The following PHLDB1 variants were observed in gnomAD, a reference collection of about 807,000 sequenced individuals.
PHLDB1 encodes the protein pleckstrin homology-like domain family B member 1.
In PHLDB1, 65 loss-of-function variants were observed where a neutral mutation model predicts 139.3. The ratio of observed to expected loss-of-function variants is 0.47; its 90% CI spans 0.38 to 0.57. The LOEUF (loss-of-function observed/expected upper bound fraction) is 0.57. Ranked by LOEUF, PHLDB1 falls within the 20% of genes least tolerant of loss-of-function variation. The probability of loss-of-function intolerance (pLI) is 0.00; values close to 1 mark genes in which losing one functional copy is unlikely to be tolerated. For missense variants in PHLDB1, 1,624 were observed against 1,839.7 expected (o/e 0.88, Z 2.14); for synonymous variants, 679 against 734.5 (o/e 0.92, Z 1.22).
In PHLDB1 at chr11:118,648,362, G is replaced by A. The variant is rs868985640; in HGVS notation, c.3654+286G>A. ...GTAGTGGGTTGTAAGGATGTGGCAG[G>A]CCACCTTGCAGACATCCGGGGTCAG... On this transcript the variant is annotated intron_variant, in intron 18 of 22. Transcript: ENST00000600882. 8.0e-5 allele frequency among the ~76,000 whole-genome samples: 12 copies of A among 150,344 alleles called. No homozygotes were observed. The Middle Eastern group carries it at 0.017, about 215-fold the overall frequency.
chr11:118,636,884 G>A (rs1296861267), intron 10 of PHLDB1: 1 of 152,128 alleles, frequency 6.6e-6, no homozygotes, highest in Non-Finnish European at 1.5e-5. Context: ...GGGAGGGCTT[G>A]GCAGTAGTGG....
intron 5 of PHLDB1, chr11:118,626,944 C>A: frequency 3.9e-6 from 1 of 256,380 alleles, no homozygotes; most frequent in Non-Finnish European, 7.4e-6. Flanking sequence ...CGTGAGCCAC[C>A]GTGCCTGGCC....
Position 118,620,441 on chromosome 11 carries a change from G to A in PHLDB1, c.355+4230G>A, listed in dbSNP as rs1466611272. 3.3e-5 allele frequency among the ~76,000 whole-genome samples: 5 copies of A among 152,304 alleles called. No homozygotes were observed. Among genetic ancestry groups the A allele is most frequent in the East Asian group, 3.9e-4 (2 of 5,188 alleles). Reference sequence around the variant, plus strand: ...CCGGAGGCGGAGGTTGCAGTGAGCCGAGATCGCACCATTGCACTCCAGCCT... The same window carrying A: ...CCGGAGGCGGAGGTTGCAGTGAGCCAAGATCGCACCATTGCACTCCAGCCT... On this transcript the variant is annotated intron_variant, in intron 4 of 22. Transcript: ENST00000600882. This position sits in a 1 kb window ranked among gnomAD's most constrained non-coding sequence, Gnocchi z 4.1.
At chr11:118,648,136 G>T in intron 18 of PHLDB1, 60 bp downstream of exon 18, 1 of 1,525,680 alleles carries the variant, frequency 6.6e-7, no homozygotes, top group Non-Finnish European at 9.0e-7. Flanking sequence ...TAGAGAAGTG[G>T]GGAGATCCCA....
chr11:118,641,175 A>G (rs1166550953), intron 12 of PHLDB1: 1 of 153,104 alleles, frequency 6.5e-6, no homozygotes, highest in Admixed American at 6.5e-5. Context: ...TTGGACCCCT[A>G]TGCTTCTGCC....
In PHLDB1 at chr11:118,645,270, C is replaced by T. The variant is rs1555126009; in HGVS notation, c.3122-86C>T. ...TCTGTGTTAACCTCTCCCTGCTTGC[C>T]CCTCCCTCTGTGTGTTGTGCTGCCA... On this transcript the variant is annotated intron_variant, in intron 15 of 22. Coordinates refer to ENST00000600882, the MANE Select transcript of PHLDB1 (RefSeq NM_001144758.3). The surrounding 1 kb of genome is among the most constrained non-coding windows in gnomAD (Gnocchi z 5.1). 3 of 1,050,206 alleles carry T rather than the reference C, an allele frequency of 2.9e-6. No individual in the cohort carries two copies. The highest frequency in any genetic ancestry group is 4.1e-6 in the Non-Finnish European group (3 of 737,522). The allele number at this position is 1,050,206 out of a possible 1,614,324, so 65.1% of individuals were successfully genotyped here.
chr11:118,631,598 T>G, intron 7 of PHLDB1, 119 bp downstream of exon 7: 1 of 899,944 alleles, frequency 1.1e-6, no homozygotes, highest in South Asian at 2.4e-5. Flanking sequence ...GGGAAGAGAT[T>G]AGAGAGCAGA....
At chr11:118,625,844 T>C (rs1555100672) in intron 5 of PHLDB1, among the ~76,000 whole-genome samples, 1 of 152,190 alleles carries the variant, frequency 6.6e-6, no homozygotes, top group African/African-American at 2.4e-5. Flanking sequence ...ACAGTCTCCA[T>C]AATTTTGGAC....
In PHLDB1 at chr11:118,645,679, C is replaced by A; in HGVS notation, c.3416+29C>A. The A allele has an allele frequency of 6.2e-7, 1 of 1,613,282 alleles. No individual in the cohort carries two copies. Among genetic ancestry groups the A allele is most frequent in the Non-Finnish European group, 8.5e-7 (1 of 1,179,236 alleles). On this transcript the variant is annotated intron_variant, in intron 16 of 22. Coordinates refer to ENST00000600882, the MANE Select transcript of PHLDB1 (RefSeq NM_001144758.3). This position sits in a 1 kb window ranked among gnomAD's most constrained non-coding sequence, Gnocchi z 5.1. Reference sequence around the variant, plus strand: ...CACCCGACGCCTGGGCCCGCAGCCTCCCTCAGCCACCGCCTCAGCTCCTTG... The same window carrying A: ...CACCCGACGCCTGGGCCCGCAGCCTACCTCAGCCACCGCCTCAGCTCCTTG...
chr11:118,631,837 A>C (rs1303534984), intron 7 of PHLDB1, 76 bp from the exon 8 acceptor site: 14 of 1,484,470 alleles, frequency 9.4e-6, no homozygotes, highest in Admixed American at 2.1e-5. Flanking sequence ...TGCCTGGAGG[A>C]ACAGGTGATC....
At position 118,632,101 on chromosome 11, in the gene PHLDB1, G is replaced by T. The variant is rs1555111624; in HGVS notation, c.2241+48G>T. ...GGACTCTTCCCTAGGCCAACTGAAG[G>T]CCCCAGAGAGGGGCCACAGTCAGCT... On this transcript the variant is annotated intron_variant, in intron 8 of 22. Transcript: ENST00000600882. The surrounding 1 kb of genome is among the most constrained non-coding windows in gnomAD (Gnocchi z 5.9). The T allele has an allele frequency of 6.2e-7, 1 of 1,613,594 alleles. No homozygotes were observed. The highest frequency in any genetic ancestry group is 1.1e-5 in the South Asian group (1 of 91,076).
Position 118,627,524 on chromosome 11 carries a change from C to A in PHLDB1, c.701C>A (p.Ser234Tyr), listed in dbSNP as rs782239201. ...GCTAATGGTGGGCGCTACCTGCTGTCTCCCCCAACCAGCCCCGGCGCCATG... is the reference window on the plus strand; with the variant it reads ...GCTAATGGTGGGCGCTACCTGCTGTATCCCCCAACCAGCCCCGGCGCCATG... ...PMANGGRYLL[S>Y]PPTSPGAMSV... The change falls in exon 6 of 23, where the codon TCT (serine) becomes TAT (tyrosine). Residue 234 changes from serine (S) to tyrosine (Y), a missense_variant. Transcript: ENST00000600882. 6.8e-6 allele frequency: 11 copies of A among 1,614,118 alleles called. No homozygotes were observed. The highest frequency in any genetic ancestry group is 8.5e-7 in the Non-Finnish European group (1 of 1,180,042).
rs781835272 is a variant in PHLDB1 at position 118,645,477 on chromosome 11, G to A, written c.3243G>A (p.Ser1081=). 12 of 1,611,212 alleles carry A rather than the reference G, an allele frequency of 7.4e-6. No individual in the cohort carries two copies. Among genetic ancestry groups the A allele is most frequent in the African/African-American group, 4.0e-5 (3 of 74,892 alleles). Reference sequence around the variant, plus strand: ...CAGCACCCTTCCCAGCGGGCCCCTCGGGCTTCCCCCCTCTCATGCACCACT... The same window carrying A: ...CAGCACCCTTCCCAGCGGGCCCCTCAGGCTTCCCCCCTCTCATGCACCACT... ...HGAAPFPAGP[S]GFPPLMHHSI... The change falls in exon 16 of 23, where the codon TCG becomes TCA. Residue 1081 remains serine, a synonymous_variant. Coordinates refer to ENST00000600882, the MANE Select transcript of PHLDB1 (RefSeq NM_001144758.3). The surrounding 1 kb of genome is among the most constrained non-coding windows in gnomAD (Gnocchi z 5.1).
Position 118,616,153 on chromosome 11 carries a change from T to C in PHLDB1, c.297T>C (p.Cys99=). 1 of 1,614,150 alleles carries C rather than the reference T, an allele frequency of 6.2e-7. No homozygotes were observed. The highest frequency in any genetic ancestry group is 8.5e-7 in the Non-Finnish European group (1 of 1,180,016). The change falls in exon 4 of 23, where the codon TGT becomes TGC. Residue 99 remains cysteine, a synonymous_variant. Transcript: ENST00000600882. The part of the protein sequence containing the change: ...NLRGTLTLYP[C]GNACTIDGLP... Reference sequence around the variant, plus strand: ...GGGGCACCCTCACCCTCTACCCCTGTGGCAATGCCTGCACTATTGATGGGC... The same window carrying C: ...GGGGCACCCTCACCCTCTACCCCTGCGGCAATGCCTGCACTATTGATGGGC...
In PHLDB1 at chr11:118,608,572, G is replaced by C. The variant is rs966417272; in HGVS notation, c.-22+873G>C. ...GGACCCACGGCTCTGGGGCGGGGCT[G>C]CATTCTGGGCCGTTAGCTCAGCGGT... On this transcript the variant is annotated intron_variant, in intron 1 of 22. Coordinates refer to ENST00000600882, the MANE Select transcript of PHLDB1 (RefSeq NM_001144758.3). The surrounding 1 kb of genome is among the most constrained non-coding windows in gnomAD (Gnocchi z 6.7). Among the ~76,000 whole-genome samples, 5 of 152,156 alleles carry C rather than the reference G, an allele frequency of 3.3e-5. No individual in the cohort carries two copies. Among genetic ancestry groups the C allele is most frequent in the Non-Finnish European group, 7.4e-5 (5 of 67,994 alleles).
chr11:118,644,473 G>A (rs1306612398), intron 15 of PHLDB1: 2 of 458,388 alleles, frequency 4.4e-6, no homozygotes, highest in Admixed American at 7.0e-5. Flanking sequence ...GGAGGGAGGG[G>A]ATGGATTTGA....
Position 118,656,971 on chromosome 11 carries a change from C to G in PHLDB1, c.*148C>G. The G allele has an allele frequency of 3.0e-6, 2 of 675,318 alleles. No homozygotes were observed. Among genetic ancestry groups the G allele is most frequent in the Admixed American group, 3.0e-5 (1 of 33,740 alleles). 41.8% of individuals were successfully genotyped at this position (675,318 alleles called of 1,614,324 possible). A position where few individuals can be genotyped will look rare whatever the true frequency, so the allele number is the denominator to read the frequency against. On this transcript the variant is annotated 3_prime_UTR_variant, in exon 23 of 23. Coordinates refer to ENST00000600882, the MANE Select transcript of PHLDB1 (RefSeq NM_001144758.3). ...AGAAAAGTAGAGGTGGCTTTGCTGC[C>G]TCCTGGGAGCCCAGAACTTGCAGTA...
Position 118,628,194 on chromosome 11 carries a change from A to AC in PHLDB1, c.1377dup (p.Ser461LysfsTer55). ...GGGGCCTGGACAGTATGCGAGAACT[A>AC]CCCCCCTTAAGTCCATCTCTGTCCC... On this transcript the variant is annotated frameshift_variant, in exon 6 of 23. Transcript: ENST00000600882. LOFTEE classifies it high-confidence loss of function. 1 of 1,613,016 alleles carries AC rather than the reference A, an allele frequency of 6.2e-7. No homozygotes were observed. Among genetic ancestry groups the AC allele is most frequent in the Non-Finnish European group, 8.5e-7 (1 of 1,179,704 alleles).
chr11:118,644,653 C>T lies in PHLDB1; in HGVS notation c.3121+479C>T, dbSNP rs539365177. 1.4e-4 allele frequency: 177 copies of T among 1,289,438 alleles called. No homozygotes were observed. In the South Asian group the frequency reaches 2.1e-3, roughly 15 times the overall value. 79.9% of individuals were successfully genotyped at this position (1,289,438 alleles called of 1,614,324 possible). ...CTGGGGTCCCCCACGCCAGTCGAGT[C>T]GCTTCCCGCCGAGCCCCTCCCAACC... On this transcript the variant is annotated intron_variant, in intron 15 of 22. Coordinates refer to ENST00000600882, the MANE Select transcript of PHLDB1 (RefSeq NM_001144758.3).
Sources: allele counts gnomAD v4.1 joint callset (sites outside exome capture counted in the v4.1 genomes callset), GRCh38; gene constraint gnomAD v4.1.1; non-coding constraint Gnocchi (gnomAD v3.1); transcripts MANE v1.5; gene names NCBI Gene and HGNC (gene_info 2026-07-23, HGNC 2026-07-21).